The following PDZRN4 variants were observed in gnomAD, a reference collection of about 807,000 sequenced individuals.
The protein encoded by PDZRN4 is PDZ domain-containing RING finger protein 4.
In PDZRN4, 70 loss-of-function variants were observed where a neutral mutation model predicts 99.0. That is an observed-to-expected ratio of 0.71 (90% CI 0.58 to 0.86). The LOEUF (loss-of-function observed/expected upper bound fraction) is 0.86. PDZRN4 is among the 40% of genes least tolerant of loss of function. The probability of loss-of-function intolerance (pLI) is 0.00; values close to 1 mark genes in which losing one functional copy is unlikely to be tolerated. For missense variants in PDZRN4, 1,474 were observed against 1,331.2 expected (o/e 1.11, Z -1.67); for synonymous variants, 551 against 501.6 (o/e 1.10, Z -1.32).
intron 3 of PDZRN4, among the ~76,000 whole-genome samples, chr12:41,274,905 G>T (rs1057187470): frequency 3.3e-5 from 5 of 152,122 alleles, no homozygotes; most frequent in Admixed American, 6.6e-5. Context: ...TCAAATATTT[G>T]CAAAGTCTCC....
chr12:41,258,053 C>A (rs918700041), intron 3 of PDZRN4, among the ~76,000 whole-genome samples: 1 of 152,082 alleles, frequency 6.6e-6, no homozygotes, highest in Admixed American at 6.6e-5. Flanking sequence ...GGTCACATAG[C>A]AAGTGATAGG....
intron 3 of PDZRN4, among the ~76,000 whole-genome samples, chr12:41,483,741 T>G (rs1163236503): frequency 1.3e-5 from 2 of 152,290 alleles, no homozygotes; most frequent in Non-Finnish European, 2.9e-5. Context: ...TGCTAGTCTT[T>G]TTTTAAAGAT....
chr12:41,245,009 T>C (rs771269050), intron 3 of PDZRN4, among the ~76,000 whole-genome samples: 57 of 152,174 alleles, frequency 3.7e-4, no homozygotes, highest in Non-Finnish European at 7.4e-4. Context: ...GTCTTGACAC[T>C]CCCTTCACAT....
At chr12:41,250,284 GA>G (rs1457945648) in intron 3 of PDZRN4, among the ~76,000 whole-genome samples, 20 of 152,146 alleles carry the variant, frequency 1.3e-4, no homozygotes, top group Admixed American at 1.3e-3. Context: ...CAGTTGTTAT[GA>G]GTACAGTCTT....
At chr12:41,249,021 A>G (rs1236997154) in intron 3 of PDZRN4, among the ~76,000 whole-genome samples, 1 of 152,166 alleles carries the variant, frequency 6.6e-6, no homozygotes, top group East Asian at 1.9e-4. Context: ...ATTTCCCAGT[A>G]TTTATCTTAA....
intron 3 of PDZRN4, among the ~76,000 whole-genome samples, chr12:41,426,483 C>A (rs968555697): frequency 6.6e-6 from 1 of 152,124 alleles, no homozygotes; most frequent in Admixed American, 6.6e-5. Context: ...GAAGTGGGTC[C>A]TCATGGGAAG....
At chr12:41,428,821 G>A (rs958645895) in intron 3 of PDZRN4, among the ~76,000 whole-genome samples, 2 of 152,160 alleles carry the variant, frequency 1.3e-5, no homozygotes, top group Non-Finnish European at 2.9e-5. Flanking sequence ...GCTGAGAGAA[G>A]ATGATATCCT....
At chr12:41,424,757 A>C (rs1432661831) in intron 3 of PDZRN4, among the ~76,000 whole-genome samples, 1 of 152,184 alleles carries the variant, frequency 6.6e-6, no homozygotes, top group East Asian at 1.9e-4. Flanking sequence ...TTTTCTCCAG[A>C]TAGTGAGTCA....
At chr12:41,242,042 C>CA (rs1591981785) in intron 3 of PDZRN4, among the ~76,000 whole-genome samples, 1 of 152,166 alleles carries the variant, frequency 6.6e-6, no homozygotes, top group East Asian at 1.9e-4. Context: ...TCTGCCTGCT[C>CA]ATGTTGTTGG....
intron 3 of PDZRN4, among the ~76,000 whole-genome samples, chr12:41,267,572 G>A (rs1951286689): frequency 6.6e-6 from 1 of 151,878 alleles, no homozygotes; most frequent in African/African-American, 2.4e-5. Flanking sequence ...GATCATGCCT[G>A]TAATCCCAGC....
At chr12:41,557,321 G>A (rs544694321) in intron 7 of PDZRN4, among the ~76,000 whole-genome samples, 2 of 152,176 alleles carry the variant, frequency 1.3e-5, no homozygotes, top group South Asian at 2.1e-4. Context: ...TCCAGGGAGC[G>A]ATAAGCTGTT....
intron 3 of PDZRN4, among the ~76,000 whole-genome samples, chr12:41,303,990 G>A (rs1176416739): frequency 6.6e-6 from 1 of 152,080 alleles, no homozygotes; most frequent in East Asian, 1.9e-4. Flanking sequence ...TCATGCTCTA[G>A]GTAAGGAACA....
At chr12:41,531,137 C>T (rs1938654784) in intron 5 of PDZRN4, among the ~76,000 whole-genome samples, 1 of 152,110 alleles carries the variant, frequency 6.6e-6, no homozygotes, top group African/African-American at 2.4e-5. Context: ...TTCTGTATCC[C>T]GGGTTCTTGC....
At chr12:41,564,814 A>G (rs1939336632) in intron 8 of PDZRN4, among the ~76,000 whole-genome samples, 2 of 152,090 alleles carry the variant, frequency 1.3e-5, no homozygotes, top group Non-Finnish European at 2.9e-5. Context: ...AAATTTCTCA[A>G]CCCAGTTATC....
chr12:41,301,853 T>G (rs1003671048), intron 3 of PDZRN4, among the ~76,000 whole-genome samples: 1 of 152,114 alleles, frequency 6.6e-6, no homozygotes, highest in Non-Finnish European at 1.5e-5. Flanking sequence ...ATTTTAGCCA[T>G]GTGGTCTCAG....
chr12:41,340,184 A>C (rs1374393038), intron 3 of PDZRN4, among the ~76,000 whole-genome samples: 1 of 152,114 alleles, frequency 6.6e-6, no homozygotes, highest in Admixed American at 6.6e-5. Context: ...CTAAGTGTCC[A>C]TCAACAGATG....
At chr12:41,500,989 A>G (rs543409480) in intron 3 of PDZRN4, among the ~76,000 whole-genome samples, 1 of 152,242 alleles carries the variant, frequency 6.6e-6, no homozygotes, top group South Asian at 2.1e-4. Context: ...TTAATTCCAC[A>G]GTTACTAGTG....
intron 3 of PDZRN4, among the ~76,000 whole-genome samples, chr12:41,425,982 T>C (rs2120422722): frequency 6.6e-6 from 1 of 152,318 alleles, no homozygotes; most frequent in South Asian, 2.1e-4. Flanking sequence ...GAAATCTGTT[T>C]CATGAGGAGC....
At chr12:41,333,338 C>T (rs1215215417) in intron 3 of PDZRN4, among the ~76,000 whole-genome samples, 1 of 152,128 alleles carries the variant, frequency 6.6e-6, no homozygotes, top group Non-Finnish European at 1.5e-5. Context: ...CAGCTTCTCA[C>T]TACCCTCACG....
Sources: allele counts gnomAD v4.1 joint callset (sites outside exome capture counted in the v4.1 genomes callset), GRCh38; gene constraint gnomAD v4.1.1; transcripts MANE v1.5; gene names NCBI Gene and HGNC (gene_info 2026-07-23, HGNC 2026-07-21).